Variants in TSFM observed in about 807,000 individuals in gnomAD.
TSFM encodes elongation factor Ts, mitochondrial.
TSFM carries 29 observed loss-of-function variants against 33.4 expected under a neutral mutation model. The ratio of observed to expected loss-of-function variants is 0.87; its 90% CI spans 0.65 to 1.18. The LOEUF (loss-of-function observed/expected upper bound fraction) is 1.18. Among genes scored for constraint, TSFM ranks in the 50% most tolerant of loss-of-function variants. The probability of loss-of-function intolerance (pLI) is 0.00; values close to 1 mark genes in which losing one functional copy is unlikely to be tolerated. For missense variants in TSFM, 394 were observed against 395.6 expected (o/e 1.00, Z 0.04); for synonymous variants, 178 against 163.5 (o/e 1.09, Z -0.68).
rs1234852227 is a variant in TSFM, at chr12:57,796,414, C to A, written c.809C>A (p.Ser270Tyr). The A allele has an allele frequency of 4.4e-6, 7 of 1,602,284 alleles. No homozygotes were observed. Among genetic ancestry groups the A allele is most frequent in the Non-Finnish European group, 6.0e-6 (7 of 1,174,304 alleles). Residue 270 changes from serine (S) to tyrosine (Y), a missense_variant, in exon 6 of 6, where the codon TCC (serine) becomes TAC (tyrosine). Physicochemically the swap from Ser to Tyr is moderately radical, Grantham distance 144. Coordinates refer to ENST00000652027, the MANE Select transcript of TSFM (RefSeq NM_005726.6). ...GGCATGGCCCCCCTCTCTGTTGGCT[C>A]CCTGGACGATGAGCCTGGGGGAGAG... is the stretch of plus-strand genomic sequence containing the variant. Reference protein sequence around the residue: ...VVGMAPLSVGSLDDEPGGEAE... With the variant: ...VVGMAPLSVGYLDDEPGGEAE...
At chr12:57,802,071 G>C, downstream of TSFM, 1 of 1,426,682 alleles carries the variant, frequency 7.0e-7, no homozygotes, top group Non-Finnish European at 9.6e-7. Flanking sequence ...GTTTCACTGA[G>C]CCGTGAATCA....
Position 57,796,518 on chromosome 12 carries a change from G to T in TSFM, c.913G>T (p.Val305Leu), listed in dbSNP as rs770653545. 7 of 1,519,894 alleles carry T rather than the reference G, an allele frequency of 4.6e-6. No individual in the cohort carries two copies. In the South Asian group the frequency reaches 6.7e-5, roughly 15 times the overall value. The allele number at this position is 1,519,894 out of a possible 1,614,324, so 94.2% of individuals were successfully genotyped here. A position where few individuals can be genotyped will look rare whatever the true frequency, so the allele number is the denominator to read the frequency against. ...GGGGCAGTATGTGCAGCCTCAGGGGGTGTCGGTAGTAGACTTTGTGCGGTT... is the reference window on the plus strand; with the variant it reads ...GGGGCAGTATGTGCAGCCTCAGGGGTTGTCGGTAGTAGACTTTGTGCGGTT... ...TLGQYVQPQG[V>L]SVVDFVRFEC... The change falls in exon 6 of 6, where the codon GTG becomes TTG. Residue 305 changes from valine to leucine, a missense_variant. Transcript: ENST00000652027.
downstream of TSFM, among the ~76,000 whole-genome samples, chr12:57,798,977 C>T (rs2140433648): frequency 6.6e-6 from 1 of 152,274 alleles, no homozygotes; most frequent in Middle Eastern, 3.4e-3. Context: ...AGAATACTTG[C>T]TATCTGCTAG....
rs201534647 is a variant in TSFM, at chr12:57,783,242, T to A, written c.190T>A (p.Cys64Ser). The change falls in exon 2 of 6, where the codon TGC becomes AGC. Residue 64 changes from cysteine (C) to serine (S), a missense_variant. Cys to Ser is a moderately radical substitution (Grantham distance 112, BLOSUM62 -1). Coordinates refer to ENST00000652027, the MANE Select transcript of TSFM (RefSeq NM_005726.6). ...GAAAACAGGCTACTCCTTTGTAAAT[T>A]GCAAGAAAGCTCTGGAGACTTGTGG... Reference protein sequence around the residue: ...RRKTGYSFVNCKKALETCGGD... With the variant: ...RRKTGYSFVNSKKALETCGGD... The A allele has an allele frequency of 9.3e-6, 15 of 1,613,792 alleles. No homozygotes were observed. The Admixed American group carries it at 2.0e-4, about 22-fold the overall frequency.
rs758922091 is a variant in TSFM at position 57,796,455 on chromosome 12, C to T, written c.850C>T (p.Leu284=). ...TGGGGGAGAGGCAGAGACTAAGATGCTGTCCCAGCCGTATTTGCTGGATCC... is the reference window on the plus strand; with the variant it reads ...TGGGGGAGAGGCAGAGACTAAGATGTTGTCCCAGCCGTATTTGCTGGATCC... ...EPGGEAETKM[L]SQPYLLDPSI... Residue 284 remains leucine (L), a synonymous_variant, in exon 6 of 6, where the codon CTG becomes TTG. Transcript: ENST00000652027. 6.3e-7 allele frequency: 1 copy of T among 1,593,312 alleles called. No individual in the cohort carries two copies.
At chr12:57,784,060 A>G (rs1404361833) in intron 2 of TSFM, 14 of 702,742 alleles carry the variant, frequency 2.0e-5, no homozygotes, top group Non-Finnish European at 3.1e-5. Flanking sequence ...ACAAACCTAG[A>G]TGGTATATTG....
intron 4 of TSFM, among the ~76,000 whole-genome samples, chr12:57,790,515 T>C (rs1955648696): frequency 6.6e-6 from 1 of 152,162 alleles, no homozygotes. Context: ...ATGTACTAAG[T>C]GTTACAATAT....
intron 4 of TSFM, among the ~76,000 whole-genome samples, chr12:57,791,647 T>C (rs1474394100): frequency 1.3e-5 from 2 of 152,244 alleles, no homozygotes; most frequent in Non-Finnish European, 2.9e-5. Flanking sequence ...TTTTATTTTT[T>C]CCAACTACAT....
rs1595137923 is a variant in TSFM, at chr12:57,786,222, C to T, written c.291C>T (p.Leu97=). The change falls in exon 3 of 6, where the codon CTC becomes CTT. Residue 97 remains leucine, a synonymous_variant. Coordinates refer to ENST00000652027, the MANE Select transcript of TSFM (RefSeq NM_005726.6). The stretch of plus-strand genomic sequence containing the variant: ...AGGGCTGGAGCAAAGCTGCCAAGCT[C>T]CAAGGGAGGAAGACCAAAGAAGGCC... ...QKEGWSKAAK[L]QGRKTKEGLI... 6.2e-7 allele frequency: 1 copy of T among 1,611,416 alleles called. No homozygotes were observed. The highest frequency in any genetic ancestry group is 2.2e-5 in the East Asian group (1 of 44,826).
At chr12:57,802,385 C>T (rs1310656071), downstream of TSFM, 1 of 1,569,396 alleles carries the variant, frequency 6.4e-7, no homozygotes. Flanking sequence ...TTACTGTGTT[C>T]ATACCAAGGA....
In TSFM at chr12:57,786,284, T is replaced by A; in HGVS notation, c.353T>A (p.Leu118Ter). Residue 118 changes from leucine to a stop codon, truncating the protein, a stop_gained, in exon 3 of 6, where the codon TTA (leucine) becomes TAA (stop). Coordinates refer to ENST00000652027, the MANE Select transcript of TSFM (RefSeq NM_005726.6). LOFTEE classifies it high-confidence loss of function. ...GLLQEGNTTV[L>*]VEVNCETDFV... ...TTGCAGGAAGGAAACACAACTGTAT[T>A]AGTAGAGGTGAGTTGTTGGAAATTC... 1 of 1,611,238 alleles carries A rather than the reference T, an allele frequency of 6.2e-7. No homozygotes were observed. Among genetic ancestry groups the A allele is most frequent in the Non-Finnish European group, 8.5e-7 (1 of 1,178,488 alleles).
chr12:57,799,224 A>G (rs976599194), downstream of TSFM, among the ~76,000 whole-genome samples: 1 of 152,202 alleles, frequency 6.6e-6, no homozygotes, highest in East Asian at 1.9e-4. Flanking sequence ...TGGGAGAAGG[A>G]TGTTTTTTCA....
intron 4 of TSFM, among the ~76,000 whole-genome samples, chr12:57,790,883 A>G (rs1234178503): frequency 2.0e-5 from 3 of 148,612 alleles, no homozygotes; most frequent in Non-Finnish European, 3.0e-5. Flanking sequence ...TCTTTTTTAT[A>G]TTAATAGAGA....
At chr12:57,790,981 T>C (rs1451493814) in intron 4 of TSFM, among the ~76,000 whole-genome samples, 3 of 150,474 alleles carry the variant, frequency 2.0e-5, no homozygotes, top group East Asian at 3.9e-4. Flanking sequence ...TGCTGGATTA[T>C]GGGCATGAGC....
chr12:57,799,912 C>T, downstream of TSFM: 4 of 1,614,110 alleles, frequency 2.5e-6, no homozygotes, highest in South Asian at 2.2e-5. Context: ...GGGTTGCATT[C>T]TTCATGTCCT....
At chr12:57,793,364 A>C (rs1369155453) in intron 5 of TSFM, among the ~76,000 whole-genome samples, 1 of 152,110 alleles carries the variant, frequency 6.6e-6, no homozygotes, top group Non-Finnish European at 1.5e-5. Context: ...CTGGGACTAC[A>C]GGCGCCTGCC....
Position 57,786,195 on chromosome 12 carries a change from G to T in TSFM, c.264G>T (p.Lys88Asn). Residue 88 changes from lysine to asparagine, a missense_variant, in exon 3 of 6, where the codon AAG (lysine) becomes AAT (asparagine). By Grantham distance (94) the Lys-to-Asn change is moderately conservative. Around this residue, in one of 3 missense-constraint regions of TSFM, gnomAD observed 208 missense variants for 180.4 expected, o/e 1.15. Coordinates refer to ENST00000652027, the MANE Select transcript of TSFM (RefSeq NM_005726.6). ...AEIWLHKEAQ[K>N]EGWSKAAKLQ... ...TCTGGCTCCACAAGGAGGCCCAGAA[G>T]GAGGGCTGGAGCAAAGCTGCCAAGC... is the stretch of plus-strand genomic sequence containing the variant. The T allele has an allele frequency of 1.2e-6, 2 of 1,609,110 alleles. No homozygotes were observed. Among genetic ancestry groups the T allele is most frequent in the Non-Finnish European group, 1.7e-6 (2 of 1,177,470 alleles).
rs1378572907 is a variant in TSFM at position 57,797,106 on chromosome 12, A to C, written c.*523A>C. ...TTGAAGGTGCTCTGCAGTGGTAGAC[A>C]CACTGGTTCTGGCCTCATTTAATGA... On this transcript the variant is annotated 3_prime_UTR_variant, in exon 6 of 6. Coordinates refer to ENST00000652027, the MANE Select transcript of TSFM (RefSeq NM_005726.6). The C allele has an allele frequency of 5.1e-5, 50 of 985,340 alleles. No individual in the cohort carries two copies. The highest frequency in any genetic ancestry group is 6.0e-5 in the Non-Finnish European group (50 of 829,968). 61.0% of individuals were successfully genotyped at this position (985,340 alleles called of 1,614,324 possible). A position where few individuals can be genotyped will look rare whatever the true frequency, so the allele number is the denominator to read the frequency against.
chr12:57,794,058 A>G (rs1171217161), intron 5 of TSFM, among the ~76,000 whole-genome samples: 2 of 152,136 alleles, frequency 1.3e-5, no homozygotes, highest in Non-Finnish European at 2.9e-5. Context: ...TACTAATCTG[A>G]AGTTTCCAGT....
Sources: allele counts gnomAD v4.1 joint callset (sites outside exome capture counted in the v4.1 genomes callset), GRCh38; gene constraint gnomAD v4.1.1; regional missense constraint gnomAD v4.1.1; transcripts MANE v1.5; gene names NCBI Gene and HGNC (gene_info 2026-07-23, HGNC 2026-07-21).